The following NDST3 variants were observed in gnomAD, a reference collection of about 807,000 sequenced individuals.
NDST3 encodes the protein bifunctional heparan sulfate N-deacetylase/N-sulfotransferase 3.
Under a neutral mutation model 96.1 loss-of-function variants are expected in NDST3, and 58 were observed. The observed-to-expected ratio is 0.60, with a 90% CI of 0.49 to 0.75. The LOEUF is 0.75. Ranked by LOEUF, NDST3 falls within the 30% of genes least tolerant of loss-of-function variation. The probability of loss-of-function intolerance (pLI) is 0.00; values close to 1 mark genes in which losing one functional copy is unlikely to be tolerated. For synonymous variants in NDST3, 333 were observed against 359.7 expected (o/e 0.93, Z 0.84); for missense variants, 788 against 1,034.2 (o/e 0.76, Z 3.27).
intron 6 of NDST3, among the ~76,000 whole-genome samples, chr4:118,166,170 A>C (rs1314787197): frequency 6.6e-6 from 1 of 151,840 alleles, no homozygotes; most frequent in Non-Finnish European, 1.5e-5. Flanking sequence ...TTTAGTTACT[A>C]ACAAAAAAGG....
At chr4:118,202,630 T>C (rs1738164199) in intron 6 of NDST3, among the ~76,000 whole-genome samples, 1 of 152,206 alleles carries the variant, frequency 6.6e-6, no homozygotes, top group Non-Finnish European at 1.5e-5. Context: ...TTTGTTGGCA[T>C]ATAGAAAATG....
intron 6 of NDST3, among the ~76,000 whole-genome samples, chr4:118,177,618 A>G (rs1218450854): frequency 6.6e-6 from 1 of 152,058 alleles, no homozygotes; most frequent in African/African-American, 2.4e-5. Context: ...ACATATTTTA[A>G]CAACAAAAGA....
At chr4:118,059,783 A>G (rs541490752) in intron 2 of NDST3, among the ~76,000 whole-genome samples, 2 of 152,306 alleles carry the variant, frequency 1.3e-5, no homozygotes, top group Admixed American at 1.3e-4. Flanking sequence ...AAATTTCTCC[A>G]GACAGTTCAC....
At chr4:118,227,606 A>G (rs1263747417) in intron 8 of NDST3, among the ~76,000 whole-genome samples, 1 of 124,270 alleles carries the variant, frequency 8.0e-6, no homozygotes, top group Non-Finnish European at 1.7e-5. Context: ...ATCACCATAA[A>G]CTTTTTTTTT....
chr4:118,161,167 G>T (rs561438237), intron 6 of NDST3, among the ~76,000 whole-genome samples: 2 of 152,310 alleles, frequency 1.3e-5, no homozygotes, highest in South Asian at 2.1e-4. Flanking sequence ...TATCCACAGC[G>T]GCAGCTGCAG....
rs78732884 is a variant in NDST3, at chr4:118,042,572, A to C, written c.-156+7980A>C. Among the ~76,000 whole-genome samples the C allele has an allele frequency of 4.6e-3, 705 of 152,310 alleles. 4 individuals are homozygous for C. The highest frequency in any genetic ancestry group is 0.016 in the African/African-American group (671 of 41,568). On this transcript the variant is annotated intron_variant, in intron 1 of 13. Transcript: ENST00000296499. ...AATGCACCCAATGCTCTTTATTTTC[A>C]AGCTCATACTCTTGTACTTCACAAT...
intron 2 of NDST3, among the ~76,000 whole-genome samples, chr4:118,063,817 G>C (rs183488875): frequency 6.6e-6 from 1 of 152,222 alleles, no homozygotes; most frequent in East Asian, 1.9e-4. Context: ...GGCATTCCTA[G>C]AATACAAAAT....
intron 12 of NDST3, among the ~76,000 whole-genome samples, chr4:118,251,088 T>TTTTTTTTA (rs1553950418): frequency 2.9e-5 from 4 of 140,018 alleles, no homozygotes; most frequent in Non-Finnish European, 6.2e-5. Flanking sequence ...GCTATAAATT[T>TTTTTTTTA]TTTATTTATT....
intron 3 of NDST3, among the ~76,000 whole-genome samples, chr4:118,107,899 T>C (rs1307744846): frequency 6.6e-6 from 1 of 152,206 alleles, no homozygotes; most frequent in African/African-American, 2.4e-5. Flanking sequence ...TTAGTTTTCA[T>C]GCTGCTAATA....
intron 2 of NDST3, among the ~76,000 whole-genome samples, chr4:118,095,901 C>A (rs1356574389): frequency 1.3e-5 from 2 of 151,884 alleles, no homozygotes; most frequent in Non-Finnish European, 1.5e-5. Context: ...TGTATCAGTA[C>A]ATAATTTGTT....
rs1370017947 is a variant in NDST3 at position 118,258,601 on chromosome 4, C to G, written c.*2889C>G. On this transcript the variant is annotated 3_prime_UTR_variant, in exon 14 of 14. Transcript: ENST00000296499. ...TAATTCTGATAGTAGCATGGTACCT[C>G]ATATGTACAACAATAAACTGATAGG... is the stretch of plus-strand genomic sequence containing the variant. The G allele has an allele frequency of 6.6e-6, 1 of 151,972 alleles. No homozygotes were observed. Among genetic ancestry groups the G allele is most frequent in the Admixed American group, 6.6e-5 (1 of 15,258 alleles). The allele number at this position is 151,972 out of a possible 1,614,324, so 9.4% of individuals were successfully genotyped here.
chr4:118,151,693 C>T (rs1362943395), intron 6 of NDST3, among the ~76,000 whole-genome samples: 1 of 152,080 alleles, frequency 6.6e-6, no homozygotes, highest in Non-Finnish European at 1.5e-5. Context: ...ATCAAGGTTT[C>T]AGAATGGAAA....
rs536797313 is a variant in NDST3, at chr4:118,256,091, T to G, written c.*379T>G. 7.5e-4 allele frequency: 115 copies of G among 153,870 alleles called. No homozygotes were observed. The highest frequency in any genetic ancestry group is 1.2e-3 in the Non-Finnish European group (81 of 69,100). 9.5% of individuals were successfully genotyped at this position (153,870 alleles called of 1,614,324 possible). ...GTAGGTTTTTAGACCACTGTTTGCC[T>G]GTACGATGTTTTCTTATTATTTTAT... On this transcript the variant is annotated 3_prime_UTR_variant, in exon 14 of 14. Coordinates refer to ENST00000296499, the MANE Select transcript of NDST3 (RefSeq NM_004784.3).
chr4:118,068,999 A>G (rs1300931596), intron 2 of NDST3, among the ~76,000 whole-genome samples: 5 of 152,090 alleles, frequency 3.3e-5, no homozygotes, highest in Admixed American at 6.6e-5. Flanking sequence ...ATTTTACATG[A>G]AGGGACAGAA....
intron 2 of NDST3, among the ~76,000 whole-genome samples, chr4:118,091,911 A>G (rs2125831891): frequency 6.6e-6 from 1 of 151,718 alleles, no homozygotes; most frequent in South Asian, 2.1e-4. Flanking sequence ...ATTGTTATAC[A>G]TACTTATGAT....
At chr4:118,127,067 T>G (rs1207319120) in intron 4 of NDST3, among the ~76,000 whole-genome samples, 1 of 151,932 alleles carries the variant, frequency 6.6e-6, no homozygotes, top group Non-Finnish European at 1.5e-5. Context: ...TAGAGTTGTT[T>G]GAGTTTCTTA....
In NDST3 at chr4:118,255,668, C is replaced by T. The variant is rs200998923; in HGVS notation, c.2578C>T (p.Pro860Ser). The change falls in exon 14 of 14, where the codon CCT becomes TCT. Residue 860 changes from proline to serine, a missense_variant. Transcript: ENST00000296499. The part of the protein sequence containing the change: ...LSKLLHKLGQ[P>S]LPSWLRQELQ... The stretch of plus-strand genomic sequence containing the variant: ...AAAGCTGCTGCACAAACTGGGTCAG[C>T]CTCTGCCATCCTGGCTGAGACAGGA... 6.2e-7 allele frequency: 1 copy of T among 1,613,688 alleles called. No individual in the cohort carries two copies. Among genetic ancestry groups the T allele is most frequent in the Non-Finnish European group, 8.5e-7 (1 of 1,179,732 alleles).
At chr4:118,233,228 C>A (rs894311336) in intron 9 of NDST3, 93 bp downstream of exon 9, 3 of 1,145,248 alleles carry the variant, frequency 2.6e-6, no homozygotes, top group African/African-American at 1.6e-5. Context: ...AGTTTGTAGT[C>A]ACAAATAAAA....
chr4:118,090,450 T>C (rs1210110488), intron 2 of NDST3, among the ~76,000 whole-genome samples: 1 of 151,930 alleles, frequency 6.6e-6, no homozygotes, highest in African/African-American at 2.4e-5. Context: ...GGGAGTTTTT[T>C]AATTCTATGA....
Sources: gnomAD v4.1 joint callset for allele counts (sites outside exome capture counted in the v4.1 genomes callset) on GRCh38, gnomAD v4.1.1 for gene constraint, MANE v1.5 for transcripts, NCBI Gene and HGNC (gene_info 2026-07-23, HGNC 2026-07-21) for gene names.